Variants in LRP1B observed in about 807,000 individuals in gnomAD.
LRP1B encodes low-density lipoprotein receptor-related protein 1B.
LRP1B carries 217 observed loss-of-function variants against 556.6 expected under a neutral mutation model. The ratio of observed to expected loss-of-function variants is 0.39; its 90% CI spans 0.35 to 0.44. The LOEUF (loss-of-function observed/expected upper bound fraction) is 0.44, where lower values mean the gene tolerates loss of function less well. Ranked by LOEUF, LRP1B falls within the 20% of genes least tolerant of loss-of-function variation. The probability of loss-of-function intolerance (pLI) is 1.00; values close to 1 mark genes in which losing one functional copy is unlikely to be tolerated. For missense variants in LRP1B, 5,053 were observed against 5,620.8 expected, an observed-to-expected ratio of 0.90 and a Z score of 3.23; for synonymous variants, 2,047 against 1,865.8, an observed-to-expected ratio of 1.10 and a Z score of -2.50.
At chr2:141,977,485 C>T (rs1701919247) in intron 1 of LRP1B, among the ~76,000 whole-genome samples, 1 of 152,028 alleles carries the variant, frequency 6.6e-6, no homozygotes, top group African/African-American at 2.4e-5. Flanking sequence ...TTGCTTGAAC[C>T]CAGGAGACAG....
intron 2 of LRP1B, among the ~76,000 whole-genome samples, chr2:141,556,438 A>C (rs184557798): frequency 3.3e-5 from 5 of 152,040 alleles, no homozygotes; most frequent in Admixed American, 2.6e-4. Flanking sequence ...GGATTTGAAA[A>C]ATAGGGAATC....
chr2:141,349,792 A>T (rs186637809), intron 3 of LRP1B, among the ~76,000 whole-genome samples: 1 of 152,212 alleles, frequency 6.6e-6, no homozygotes. Flanking sequence ...TACGTCCTTA[A>T]AACATGCTCT....
At chr2:141,459,752 G>A (rs1681786000) in intron 3 of LRP1B, among the ~76,000 whole-genome samples, 1 of 152,066 alleles carries the variant, frequency 6.6e-6, no homozygotes, top group Non-Finnish European at 1.5e-5. Flanking sequence ...TTCTGCCATG[G>A]TTGTGAGGCC....
intron 62 of LRP1B, among the ~76,000 whole-genome samples, chr2:140,452,487 T>A (rs1686925627): frequency 1.3e-5 from 2 of 152,092 alleles, no homozygotes. Context: ...AAAGCATATA[T>A]CACAATATTC....
chr2:141,424,917 T>TTTA (rs988100005), intron 3 of LRP1B, among the ~76,000 whole-genome samples: 4 of 151,920 alleles, frequency 2.6e-5, no homozygotes, highest in Non-Finnish European at 5.9e-5. Flanking sequence ...CTGATTTTTC[T>TTTA]TTATTATTAT....
intron 88 of LRP1B, 120 bp downstream of exon 88, chr2:140,239,322 T>C (rs1680848443): frequency 1.0e-5 from 6 of 572,544 alleles, no homozygotes; most frequent in Admixed American, 3.6e-5. Flanking sequence ...TTGAAAAACA[T>C]TGTATTTTAC....
chr2:141,068,779 T>G (rs1036822329), intron 7 of LRP1B, among the ~76,000 whole-genome samples: 10 of 151,958 alleles, frequency 6.6e-5, no homozygotes, highest in Non-Finnish European at 1.3e-4. Context: ...GAGGACTTCC[T>G]TACCCTCACT....
intron 2 of LRP1B, among the ~76,000 whole-genome samples, chr2:141,638,037 C>CA (rs764729851): frequency 1.3e-5 from 2 of 152,016 alleles, no homozygotes; most frequent in African/African-American, 2.4e-5. Context: ...CCCATCTCTA[C>CA]AAAAAATACA....
At chr2:141,841,058 A>G (rs1300424880) in intron 1 of LRP1B, among the ~76,000 whole-genome samples, 1 of 152,162 alleles carries the variant, frequency 6.6e-6, no homozygotes, top group Non-Finnish European at 1.5e-5. Flanking sequence ...GGAACAAAGT[A>G]GCTTAGCAGT....
chr2:141,472,435 G>T (rs540753020), intron 3 of LRP1B, among the ~76,000 whole-genome samples: 1 of 152,260 alleles, frequency 6.6e-6, no homozygotes, highest in African/African-American at 2.4e-5. Context: ...AACTATTTGG[G>T]AGGCTGAGGC....
At chr2:140,355,272 TTGTGTG>T (rs774371338) in intron 75 of LRP1B, among the ~76,000 whole-genome samples, 1 of 151,410 alleles carries the variant, frequency 6.6e-6, no homozygotes, top group Non-Finnish European at 1.5e-5. Flanking sequence ...ATTGAAAGAA[TTGTGTG>T]TGTGTGTGTT....
chr2:142,037,345 C>T (rs1033496340), intron 1 of LRP1B, among the ~76,000 whole-genome samples: 1 of 151,398 alleles, frequency 6.6e-6, no homozygotes, highest in Admixed American at 6.6e-5. Context: ...CACATTCTGC[C>T]GTTTTTAAGT....
chr2:141,095,631 GTTATTA>G (rs139971857), intron 7 of LRP1B, among the ~76,000 whole-genome samples: 1 of 151,744 alleles, frequency 6.6e-6, no homozygotes, highest in Non-Finnish European at 1.5e-5. Flanking sequence ...AGTACATAGA[GTTATTA>G]TTATTATTTT....
At chr2:140,689,377 T>C (rs1435646274) in intron 41 of LRP1B, among the ~76,000 whole-genome samples, 8 of 152,222 alleles carry the variant, frequency 5.3e-5, no homozygotes, top group African/African-American at 1.9e-4. Context: ...TTTCTGCATG[T>C]CATTTCCCTT....
In LRP1B at chr2:141,055,242, C is replaced by T. The variant is rs1699147078; in HGVS notation, c.1426G>A (p.Glu476Lys). 6.2e-7 allele frequency: 1 copy of T among 1,610,242 alleles called. No homozygotes were observed. Among genetic ancestry groups the T allele is most frequent in the Non-Finnish European group, 8.5e-7 (1 of 1,178,130 alleles). The part of the protein sequence containing the change: ...TQPTVRSHAC[E>K]VDPYGMPGGC... ...CCTGGCATTCCATATGGATCGACTTCACATGCATGGCTTCTGACTACAACA... is the reference window on the plus strand; with the variant it reads ...CCTGGCATTCCATATGGATCGACTTTACATGCATGGCTTCTGACTACAACA... The change falls in exon 10 of 91, where the codon GAA becomes AAA. Residue 476 changes from glutamate (E) to lysine (K), a missense_variant. By Grantham distance (56) the Glu-to-Lys change is moderately conservative. Transcript: ENST00000389484.
At chr2:141,081,286 G>A (rs1216476392) in intron 7 of LRP1B, among the ~76,000 whole-genome samples, 1 of 152,186 alleles carries the variant, frequency 6.6e-6, no homozygotes, top group Non-Finnish European at 1.5e-5. Flanking sequence ...GTCCTGGGCT[G>A]TATCCCCTGT....
intron 2 of LRP1B, among the ~76,000 whole-genome samples, chr2:141,494,511 A>T (rs1230364160): frequency 6.6e-6 from 1 of 152,046 alleles, no homozygotes. Context: ...TGACTGCCTC[A>T]GTGCGCTAAA....
intron 83 of LRP1B, among the ~76,000 whole-genome samples, chr2:140,301,438 C>G (rs1310908770): frequency 6.6e-6 from 1 of 151,998 alleles, no homozygotes; most frequent in Non-Finnish European, 1.5e-5. Flanking sequence ...TCTTCCGAGT[C>G]TGTCTATTTG....
intron 20 of LRP1B, among the ~76,000 whole-genome samples, chr2:140,930,266 T>G (rs907629571): frequency 7.2e-5 from 11 of 152,120 alleles, no homozygotes; most frequent in African/African-American, 2.7e-4. Context: ...TAATACAATT[T>G]TATTGTATTT....
Sources: allele counts gnomAD v4.1 joint callset (sites outside exome capture counted in the v4.1 genomes callset), GRCh38; gene constraint gnomAD v4.1.1; transcripts MANE v1.5; gene names NCBI Gene and HGNC (gene_info 2026-07-23, HGNC 2026-07-21).